The following SHROOM3 variants were observed in gnomAD, a reference collection of about 807,000 sequenced individuals.
SHROOM3 encodes protein Shroom3.
In SHROOM3, 47 loss-of-function variants were observed where a neutral mutation model predicts 138.6. The ratio of observed to expected loss-of-function variants is 0.34; its 90% CI spans 0.27 to 0.43. The LOEUF is 0.43. Ranked by LOEUF, SHROOM3 falls within the 20% of genes least tolerant of loss-of-function variation. The probability of loss-of-function intolerance (pLI) is 1.00; values close to 1 mark genes in which losing one functional copy is unlikely to be tolerated. For missense variants in SHROOM3, 2,491 were observed against 2,596.5 expected (o/e 0.96, Z 0.88); for synonymous variants, 1,062 against 1,063.3 (o/e 1.00, Z 0.02).
At chr4:76,706,793 A>G (rs1475244215) in intron 2 of SHROOM3, among the ~76,000 whole-genome samples, 1 of 152,240 alleles carries the variant, frequency 6.6e-6, no homozygotes, top group African/African-American at 2.4e-5. Flanking sequence ...AGGGACCAGC[A>G]AGCAGGCAAC....
chr4:76,774,060 G>A (rs998782296), intron 10 of SHROOM3, among the ~76,000 whole-genome samples: 3 of 152,132 alleles, frequency 2.0e-5, no homozygotes, highest in African/African-American at 7.2e-5. Context: ...GTAGGCAATT[G>A]TCCTGGGGGT....
chr4:76,530,352 T>G (rs1027673900), intron 1 of SHROOM3, among the ~76,000 whole-genome samples: 52 of 152,206 alleles, frequency 3.4e-4, no homozygotes, highest in African/African-American at 1.2e-3. Flanking sequence ...GGGTATCTGC[T>G]TCATGAAGTG....
intron 1 of SHROOM3, among the ~76,000 whole-genome samples, chr4:76,475,681 A>G (rs574074745): frequency 3.7e-4 from 56 of 152,344 alleles, no homozygotes; most frequent in African/African-American, 1.3e-3. Flanking sequence ...TTAAGAGTCT[A>G]TGGCAAATGT....
chr4:76,754,928 C>T lies in SHROOM3; in HGVS notation c.4445C>T (p.Pro1482Leu), dbSNP rs1197404496. 8 of 1,614,194 alleles carry T rather than the reference C, an allele frequency of 5.0e-6. No homozygotes were observed. The highest frequency in any genetic ancestry group is 6.8e-6 in the Non-Finnish European group (8 of 1,180,022). The change falls in exon 7 of 11, where the codon CCA (proline) becomes CTA (leucine). Residue 1482 changes from proline (P) to leucine (L), a missense_variant. By Grantham distance (98) the Pro-to-Leu change is moderately conservative (BLOSUM62 -3). This residue lies in a region of SHROOM3 where 1,733 missense variants were observed against 1,661.6 expected (regional missense o/e 1.04). Coordinates refer to ENST00000296043, the MANE Select transcript of SHROOM3 (RefSeq NM_020859.4). ...ACACCTCTTGGGGCCCCGAGCACTCCAGGGAGGATCTCCCTCCGAATATCT... is the reference window on the plus strand; with the variant it reads ...ACACCTCTTGGGGCCCCGAGCACTCTAGGGAGGATCTCCCTCCGAATATCT... Reference protein sequence around the residue: ...PDTPLGAPSTPGRISLRISES... With the variant: ...PDTPLGAPSTLGRISLRISES...
intron 1 of SHROOM3, among the ~76,000 whole-genome samples, chr4:76,529,792 C>A (rs766492671): frequency 6.6e-6 from 1 of 152,152 alleles, no homozygotes; most frequent in East Asian, 1.9e-4. Flanking sequence ...TCCAGTCCAG[C>A]GAAGATTTTT....
intron 1 of SHROOM3, among the ~76,000 whole-genome samples, chr4:76,516,023 T>G (rs1732437051): frequency 6.6e-6 from 1 of 152,146 alleles, no homozygotes; most frequent in African/African-American, 2.4e-5. Flanking sequence ...AAATGATACT[T>G]CATAATAACA....
chr4:76,471,246 C>CTTT (rs1310668142), intron 1 of SHROOM3, among the ~76,000 whole-genome samples: 4 of 141,494 alleles, frequency 2.8e-5, no homozygotes, highest in African/African-American at 5.2e-5. Context: ...TCCTTTCTTT[C>CTTT]TTTTTTTTTT....
intron 2 of SHROOM3, among the ~76,000 whole-genome samples, chr4:76,700,000 C>T (rs1187018012): frequency 6.6e-6 from 1 of 152,140 alleles, no homozygotes; most frequent in African/African-American, 2.4e-5. Flanking sequence ...TCGAATGAGA[C>T]AGGATAGATA....
intron 1 of SHROOM3, among the ~76,000 whole-genome samples, chr4:76,526,599 T>G (rs1732695135): frequency 6.6e-6 from 1 of 152,184 alleles, no homozygotes; most frequent in Non-Finnish European, 1.5e-5. Flanking sequence ...GAGGAAGTCT[T>G]GGGTACACTG....
chr4:76,768,051 T>TG (rs1578033013), intron 9 of SHROOM3, among the ~76,000 whole-genome samples: 2 of 152,282 alleles, frequency 1.3e-5, no homozygotes, highest in Non-Finnish European at 2.9e-5. Context: ...CCAGTTGTCT[T>TG]TAAGTGTCTT....
chr4:76,452,036 A>G (rs1730937439), intron 1 of SHROOM3, among the ~76,000 whole-genome samples: 1 of 152,142 alleles, frequency 6.6e-6, no homozygotes, highest in Admixed American at 6.5e-5. Flanking sequence ...GCAAAAAGGG[A>G]TTTTTAAATA....
chr4:76,665,167 GTAC>G (rs1379572080), intron 2 of SHROOM3, among the ~76,000 whole-genome samples: 1 of 152,104 alleles, frequency 6.6e-6, no homozygotes, highest in East Asian at 1.9e-4. Context: ...GTACACAGTA[GTAC>G]TAGGACTTCT....
chr4:76,565,981 G>C (rs368116273), intron 2 of SHROOM3, among the ~76,000 whole-genome samples: 1 of 151,756 alleles, frequency 6.6e-6, no homozygotes, highest in Non-Finnish European at 1.5e-5. Flanking sequence ...ATGGTGGTGC[G>C]TGCCTGTAGT....
intron 1 of SHROOM3, among the ~76,000 whole-genome samples, chr4:76,536,298 T>C (rs915907861): frequency 6.6e-6 from 1 of 152,320 alleles, no homozygotes; most frequent in Non-Finnish European, 1.5e-5. Flanking sequence ...GGATGATGGG[T>C]TGAGAGATTG....
chr4:76,513,841 C>T (rs568481508), intron 1 of SHROOM3, among the ~76,000 whole-genome samples: 40 of 152,158 alleles, frequency 2.6e-4, no homozygotes, highest in African/African-American at 7.5e-4. Context: ...TTTTCTTATC[C>T]GGGTCAGACA....
intron 1 of SHROOM3, among the ~76,000 whole-genome samples, chr4:76,477,554 A>G (rs1445713561): frequency 6.6e-6 from 1 of 152,200 alleles, no homozygotes. Flanking sequence ...ATACATATAT[A>G]TTGTTTGTAT....
intron 2 of SHROOM3, among the ~76,000 whole-genome samples, chr4:76,692,580 T>G (rs1197097447): frequency 6.6e-6 from 1 of 152,210 alleles, no homozygotes; most frequent in African/African-American, 2.4e-5. Flanking sequence ...ATAGCAACCT[T>G]ATTTATAATG....
intron 3 of SHROOM3, among the ~76,000 whole-genome samples, chr4:76,727,376 G>A (rs575204628): frequency 8.9e-4 from 136 of 152,308 alleles, no homozygotes; most frequent in African/African-American, 3.2e-3. Flanking sequence ...AGGGTTTAGA[G>A]CACTAGGAAG....
chr4:76,728,680 C>T (rs1720780744), intron 3 of SHROOM3, among the ~76,000 whole-genome samples: 1 of 152,218 alleles, frequency 6.6e-6, no homozygotes, highest in African/African-American at 2.4e-5. Flanking sequence ...TGTGCACCTG[C>T]TCCCTTTTGT....
Sources: gnomAD v4.1 joint callset for allele counts (sites outside exome capture counted in the v4.1 genomes callset) on GRCh38, gnomAD v4.1.1 for gene constraint, gnomAD v4.1.1 regional missense constraint, MANE v1.5 for transcripts, NCBI Gene and HGNC (gene_info 2026-07-23, HGNC 2026-07-21) for gene names.